CDH18: variants seen among roughly 807,000 people sequenced by gnomAD.
CDH18 encodes cadherin-18.
CDH18 carries 31 observed loss-of-function variants against 67.9 expected under a neutral mutation model. The ratio of observed to expected loss-of-function variants is 0.46; its 90% confidence interval spans 0.34 to 0.62. CDH18 has a LOEUF of 0.62. Ranked by LOEUF, CDH18 falls within the 20% of genes least tolerant of loss-of-function variation. CDH18 has a pLI of 0.01. For missense variants in CDH18, 890 were observed against 975.5 expected (o/e 0.91, Z 1.17); for synonymous variants, 362 against 347.2 (o/e 1.04, Z -0.48).
chr5:19,698,416 G>C (rs1762808380), intron 5 of CDH18, among the ~76,000 whole-genome samples: 1 of 152,036 alleles, frequency 6.6e-6, no homozygotes, highest in South Asian at 2.1e-4. Flanking sequence ...CAAGCATCAG[G>C]AGAGAGGTGG....
intron 1 of CDH18, among the ~76,000 whole-genome samples, chr5:20,515,069 G>A (rs986375068): frequency 1.3e-5 from 2 of 151,608 alleles, no homozygotes; most frequent in Admixed American, 6.6e-5. Flanking sequence ...ATATAAATAT[G>A]GCTAATCTGT....
chr5:20,049,099 A>T (rs1332838038), intron 2 of CDH18, among the ~76,000 whole-genome samples: 1 of 151,742 alleles, frequency 6.6e-6, no homozygotes. Context: ...ATCAACTAAC[A>T]TGTATTTACT....
chr5:19,672,606 T>A (rs1486253734), intron 5 of CDH18, among the ~76,000 whole-genome samples: 1 of 152,046 alleles, frequency 6.6e-6, no homozygotes, highest in African/African-American at 2.4e-5. Flanking sequence ...AGTAAAATTT[T>A]CTCCACTGGT....
At chr5:20,078,915 CCCTTTTAGTATAATTTTATTTT>C (rs1744207679) in intron 2 of CDH18, among the ~76,000 whole-genome samples, 6 of 151,884 alleles carry the variant, frequency 4.0e-5, no homozygotes, top group Admixed American at 2.6e-4. Flanking sequence ...TGTGCCCGGC[CCCTTTTAGTATAATTTTATTTT>C]TAGTTGTCAA....
At chr5:19,920,759 G>A (rs1007473127) in intron 2 of CDH18, among the ~76,000 whole-genome samples, 2 of 151,712 alleles carry the variant, frequency 1.3e-5, no homozygotes, top group Admixed American at 6.6e-5. Context: ...TGATCCACCC[G>A]CCTCGGTCTC....
intron 5 of CDH18, among the ~76,000 whole-genome samples, chr5:19,629,857 A>G (rs1752146756): frequency 6.6e-6 from 1 of 152,220 alleles, no homozygotes; most frequent in African/African-American, 2.4e-5. Context: ...AATAGACAAC[A>G]TATCACAAAA....
intron 2 of CDH18, among the ~76,000 whole-genome samples, chr5:19,869,883 T>A (rs1056249040): frequency 6.6e-6 from 1 of 152,128 alleles, no homozygotes; most frequent in African/African-American, 2.4e-5. Context: ...ACAGTTCTTG[T>A]AAGTCTTACT....
intron 3 of CDH18, among the ~76,000 whole-genome samples, chr5:19,809,312 C>A (rs913016178): frequency 3.3e-5 from 5 of 152,052 alleles, no homozygotes; most frequent in African/African-American, 1.2e-4. Context: ...ACGCTCTAGG[C>A]ACCAATAATT....
rs564968516 is a variant in CDH18 at position 20,282,208 on chromosome 5, T to C, written c.-579-26703A>G. Among the ~76,000 whole-genome samples the C allele has an allele frequency of 2.6e-3, 399 of 152,228 alleles. 1 individual carries two copies. The highest frequency in any genetic ancestry group is 8.4e-3 in the African/African-American group (349 of 41,546). Reference sequence around the variant, plus strand: ...TTCCTAATTGAATACCCTTTATTTCTTTCTCCTGCCTGACTGCCCTGGCCA... The same window carrying C: ...TTCCTAATTGAATACCCTTTATTTCCTTCTCCTGCCTGACTGCCCTGGCCA... On this transcript the variant is annotated intron_variant, in intron 1 of 14. Coordinates refer to the CDH18 transcript ENST00000507958.
At chr5:20,361,841 T>G (rs62352794) in intron 1 of CDH18, among the ~76,000 whole-genome samples, 67,596 of 151,930 alleles carry the variant, frequency 0.44, 16,586 homozygotes, top group Middle Eastern at 0.63. Flanking sequence ...CTATTTTAAA[T>G]AAGAAAAATT....
chr5:20,073,451 A>AT (rs1436981002), intron 2 of CDH18, among the ~76,000 whole-genome samples: 1 of 151,846 alleles, frequency 6.6e-6, no homozygotes, highest in East Asian at 1.9e-4. Context: ...TTGAACCAGA[A>AT]TTTTTTTCTG....
intron 3 of CDH18, among the ~76,000 whole-genome samples, chr5:19,747,945 A>G (rs1770257719): frequency 6.6e-6 from 1 of 150,540 alleles, no homozygotes; most frequent in African/African-American, 2.4e-5. Flanking sequence ...CGTCTCTACT[A>G]AAAAAGTACA....
chr5:20,281,351 T>G (rs1209212139), intron 1 of CDH18, among the ~76,000 whole-genome samples: 1 of 152,200 alleles, frequency 6.6e-6, no homozygotes, highest in East Asian at 1.9e-4. Flanking sequence ...GTCTAACATT[T>G]AAGTCTTTAA....
rs1321256233 is a variant in CDH18, at chr5:19,590,967, G to C, written c.999+90C>G. ...CAATATTTTATCATTTTAATGGCCT[G>C]ACAGCGTGGATTATTCATGCCTCTG... On this transcript the variant is annotated intron_variant, in intron 7 of 12. Coordinates refer to ENST00000382275, the MANE Select transcript of CDH18 (RefSeq NM_004934.5). The C allele has an allele frequency of 4.5e-6, 3 of 667,354 alleles. No individual in the cohort carries two copies. In the East Asian group the frequency reaches 7.9e-5, roughly 18 times the overall value. The allele number at this position is 667,354 out of a possible 1,614,324, so 41.3% of individuals were successfully genotyped here.
chr5:20,450,659 A>C (rs1750372503), intron 1 of CDH18, among the ~76,000 whole-genome samples: 1 of 152,166 alleles, frequency 6.6e-6, no homozygotes, highest in East Asian at 1.9e-4. Flanking sequence ...CTCCTGGTAT[A>C]TGCATCTATA....
At chr5:19,579,681 A>C (rs1173756255) in intron 7 of CDH18, among the ~76,000 whole-genome samples, 1 of 151,726 alleles carries the variant, frequency 6.6e-6, no homozygotes, top group Non-Finnish European at 1.5e-5. Context: ...TTTCATTCTT[A>C]GTTATTACTA....
chr5:19,959,516 T>C (rs1429716700), intron 2 of CDH18, among the ~76,000 whole-genome samples: 1 of 152,082 alleles, frequency 6.6e-6, no homozygotes, highest in Non-Finnish European at 1.5e-5. Context: ...AGAAAACTCA[T>C]TTTGTGACTT....
chr5:20,283,491 A>T (rs1554112438), intron 1 of CDH18, among the ~76,000 whole-genome samples: 1 of 151,904 alleles, frequency 6.6e-6, no homozygotes, highest in Non-Finnish European at 1.5e-5. Context: ...AAACGGGTAT[A>T]TGAAAAGATG....
rs561351940 is a variant in CDH18, at chr5:19,953,060, A to T, written c.-257+28000T>A. Among the ~76,000 whole-genome samples the T allele has an allele frequency of 3.8e-3, 585 of 152,214 alleles. 6 individuals carry two copies. Among genetic ancestry groups the T allele is most frequent in the South Asian group, 0.013 (63 of 4,828 alleles). Reference sequence around the variant, plus strand: ...ATTTTAAGACTCAACTTCTAAGAAAACATTTGACATGAGCTGCTGTGCTCT... The same window carrying T: ...ATTTTAAGACTCAACTTCTAAGAAATCATTTGACATGAGCTGCTGTGCTCT... On this transcript the variant is annotated intron_variant, in intron 2 of 12. Coordinates refer to ENST00000382275, the MANE Select transcript of CDH18 (RefSeq NM_004934.5).
Sources: allele counts gnomAD v4.1 joint callset (sites outside exome capture counted in the v4.1 genomes callset), GRCh38; gene constraint gnomAD v4.1.1; transcripts MANE v1.5; gene names NCBI Gene and HGNC (gene_info 2026-07-23, HGNC 2026-07-21).